Variants in SIRT4 observed in about 807,000 individuals in gnomAD.
SIRT4 encodes NAD-dependent protein lipoamidase sirtuin-4, mitochondrial.
SIRT4 carries 23 observed loss-of-function variants against 26.1 expected under a neutral mutation model. The ratio of observed to expected loss-of-function variants is 0.88; its 90% CI spans 0.63 to 1.25. The LOEUF is 1.25. Ranked by LOEUF, SIRT4 falls within the 50% of genes most tolerant of loss-of-function variation. The pLI, the probability that SIRT4 is intolerant of heterozygous loss-of-function variation, is 0.00. For synonymous variants in SIRT4, 155 were observed against 158.4 expected (o/e 0.98, Z 0.16); for missense variants, 361 against 405.4 (o/e 0.89, Z 0.94).
At chr12:120,292,590 C>CG in the SIRT4 span, among the ~76,000 whole-genome samples, 2 of 152,042 alleles carry the variant, frequency 1.3e-5, no homozygotes, top group East Asian at 3.8e-4. Flanking sequence ...CGACAGACTT[C>CG]GTCTCAAAAA....
intron 2 of SIRT4, among the ~76,000 whole-genome samples, chr12:120,307,976 T>G (rs751969019): frequency 6.6e-6 from 1 of 152,032 alleles, no homozygotes; most frequent in Non-Finnish European, 1.5e-5. Context: ...AATAAACAGA[T>G]TTAGTAAAGA....
chr12:120,293,047 C>T, the SIRT4 span: 1 of 149,756 alleles, frequency 6.7e-6, no homozygotes, highest in South Asian at 2.1e-4. Context: ...AACCAAGCAC[C>T]CCCACACACA....
upstream of SIRT4, among the ~76,000 whole-genome samples, chr12:120,300,487 C>T (rs755922699): frequency 2.6e-5 from 4 of 151,954 alleles, no homozygotes; most frequent in Non-Finnish European, 4.4e-5. Flanking sequence ...ACTTTGTCAC[C>T]CAGGCTGAAG....
At chr12:120,307,925 T>C (rs1055076644) in intron 2 of SIRT4, among the ~76,000 whole-genome samples, 1 of 152,196 alleles carries the variant, frequency 6.6e-6, no homozygotes, top group African/African-American at 2.4e-5. Flanking sequence ...CGCATGATTG[T>C]GAAATTGTGT....
chr12:120,296,759 C>G, the SIRT4 span, among the ~76,000 whole-genome samples: 1 of 151,754 alleles, frequency 6.6e-6, no homozygotes, highest in Non-Finnish European at 1.5e-5. Context: ...ATCCGCCCGC[C>G]TCGGCCTCCC....
upstream of SIRT4, among the ~76,000 whole-genome samples, chr12:120,298,678 G>A (rs1300062394): frequency 1.3e-5 from 2 of 151,680 alleles, no homozygotes; most frequent in Admixed American, 6.6e-5. Context: ...GGAGGCTGAG[G>A]CGGGCGGATC....
At chr12:120,310,829 G>A (rs534499876) in intron 2 of SIRT4, among the ~76,000 whole-genome samples, 147 of 150,716 alleles carry the variant, frequency 9.8e-4, no homozygotes, top group African/African-American at 3.4e-3. Context: ...TCCGCCTCCC[G>A]GGTTCACGCC....
At chr12:120,301,709 T>A (rs1872555827), upstream of SIRT4, among the ~76,000 whole-genome samples, 1 of 152,154 alleles carries the variant, frequency 6.6e-6, no homozygotes, top group Non-Finnish European at 1.5e-5. Context: ...TCACATTGCA[T>A]GTTTGTATCA....
intron 2 of SIRT4, among the ~76,000 whole-genome samples, chr12:120,304,664 T>G (rs1299784118): frequency 6.7e-6 from 1 of 149,322 alleles, no homozygotes. Flanking sequence ...AAAAAAAAGT[T>G]GAGGATGGTG....
At chr12:120,293,643 T>G in the SIRT4 span, among the ~76,000 whole-genome samples, 71 of 152,318 alleles carry the variant, frequency 4.7e-4, no homozygotes, top group African/African-American at 1.7e-3. Flanking sequence ...ATTTACCATT[T>G]TAACCTTAAG....
At chr12:120,302,720 C>CTTTTTTTTTTT (rs901345647) in intron 1 of SIRT4, among the ~76,000 whole-genome samples, 1 of 136,834 alleles carries the variant, frequency 7.3e-6, no homozygotes, top group East Asian at 2.1e-4. Flanking sequence ...TTTTCTTTTT[C>CTTTTTTTTTTT]TTTTTTTTTT....
the SIRT4 span, among the ~76,000 whole-genome samples, chr12:120,296,086 C>CAAAA: frequency 2.2e-4 from 9 of 40,160 alleles, no homozygotes; most frequent in South Asian, 1.3e-3. Context: ...GACTCCGTCT[C>CAAAA]AAAAAAAAAA....
the SIRT4 span, among the ~76,000 whole-genome samples, chr12:120,296,054 TCCAGCCTGGGTGAC>T: frequency 9.2e-6 from 1 of 108,894 alleles, no homozygotes; most frequent in Non-Finnish European, 1.7e-5. Flanking sequence ...GCCACTGTAA[TCCAGCCTGGGTGAC>T]AAAGCGAGAC....
intron 2 of SIRT4, among the ~76,000 whole-genome samples, chr12:120,306,149 A>G (rs899160897): frequency 2.0e-5 from 3 of 151,918 alleles, no homozygotes; most frequent in African/African-American, 7.3e-5. Flanking sequence ...TGGGTAACAC[A>G]GCCAGACTCC....
Position 120,312,864 on chromosome 12 carries a change from T to G in SIRT4, c.793-20T>G. ...TCTAGAGAACCTAGACATTCTTATGTGTGTCTTTTCTCCGTGCAGGTATAC... is the reference window on the plus strand; with the variant it reads ...TCTAGAGAACCTAGACATTCTTATGGGTGTCTTTTCTCCGTGCAGGTATAC... On this transcript the variant is annotated intron_variant, in intron 3 of 3. Coordinates refer to ENST00000202967, the MANE Select transcript of SIRT4 (RefSeq NM_012240.3). The G allele has an allele frequency of 6.2e-7, 1 of 1,613,780 alleles. No homozygotes were observed.
the SIRT4 span, chr12:120,291,995 G>A: frequency 6.6e-6 from 1 of 152,142 alleles, no homozygotes; most frequent in East Asian, 1.9e-4. Flanking sequence ...TGTATACGAC[G>A]TGTTCCCACT....
upstream of SIRT4, among the ~76,000 whole-genome samples, chr12:120,300,487 C>A (rs755922699): frequency 1.3e-5 from 2 of 151,954 alleles, no homozygotes; most frequent in African/African-American, 4.8e-5. Flanking sequence ...ACTTTGTCAC[C>A]CAGGCTGAAG....
At chr12:120,312,243 G>A (rs747634818) in intron 2 of SIRT4, among the ~76,000 whole-genome samples, 5 of 151,708 alleles carry the variant, frequency 3.3e-5, no homozygotes, top group South Asian at 2.1e-4. Flanking sequence ...AGCTGAGATC[G>A]TGCCACTGCA....
At chr12:120,304,189 G>C (rs1395482562) in intron 2 of SIRT4, 131 bp downstream of exon 2, 6 of 1,184,666 alleles carry the variant, frequency 5.1e-6, no homozygotes, top group Non-Finnish European at 6.9e-6. Flanking sequence ...TTATTTTGCA[G>C]TTGATTCCAG....
Sources: allele counts gnomAD v4.1 joint callset (sites outside exome capture counted in the v4.1 genomes callset), GRCh38; gene constraint gnomAD v4.1.1; transcripts MANE v1.5; gene names NCBI Gene and HGNC (gene_info 2026-07-23, HGNC 2026-07-21).